CHMP3: variants seen among roughly 807,000 people sequenced by gnomAD.
The protein encoded by CHMP3 is 25.1 protein.
A neutral mutation model predicts 27.4 loss-of-function variants in CHMP3; 8 were observed. That is an observed-to-expected ratio of 0.29 (90% CI 0.17 to 0.53). The LOEUF (loss-of-function observed/expected upper bound fraction) is 0.53. Among genes scored for constraint, CHMP3 ranks in the 20% least tolerant of loss-of-function variants. CHMP3 has a pLI of 0.96. For synonymous variants in CHMP3, 86 were observed against 85.5 expected (o/e 1.01, Z -0.03); for missense variants, 208 against 271.5 (o/e 0.77, Z 1.64).
intron 3 of CHMP3, chr2:86,510,713 TC>T (rs773195977): frequency 3.8e-5 from 17 of 443,302 alleles, no homozygotes; most frequent in Non-Finnish European, 6.1e-5. Flanking sequence ...ACATGACCAA[TC>T]TGGAGAGTGG....
At chr2:86,532,767 G>A (rs1489767554) in intron 2 of CHMP3, among the ~76,000 whole-genome samples, 2 of 152,066 alleles carry the variant, frequency 1.3e-5, no homozygotes, top group African/African-American at 4.8e-5. Flanking sequence ...AATCATTCTT[G>A]CATTCCAGGA....
chr2:86,554,814 C>CATGTGTGT (rs1553409358), intron 1 of CHMP3, among the ~76,000 whole-genome samples: 20 of 138,064 alleles, frequency 1.4e-4, no homozygotes, highest in Non-Finnish European at 2.6e-4. Flanking sequence ...TGTGTGTGCG[C>CATGTGTGT]GCGTGTGTGT....
At chr2:86,510,018 T>G (rs1425833897) in intron 4 of CHMP3, among the ~76,000 whole-genome samples, 1 of 152,216 alleles carries the variant, frequency 6.6e-6, no homozygotes, top group African/African-American at 2.4e-5. Context: ...GGTCTCTGCC[T>G]GTTTTTGTAA....
At chr2:86,516,470 T>G (rs1675311979) in intron 3 of CHMP3, among the ~76,000 whole-genome samples, 1 of 152,186 alleles carries the variant, frequency 6.6e-6, no homozygotes, top group African/African-American at 2.4e-5. Context: ...ACCATAGACC[T>G]ACCAGAATGC....
chr2:86,562,624 G>C (rs1344745945), intron 1 of CHMP3: 1 of 152,234 alleles, frequency 6.6e-6, no homozygotes. Context: ...TGAGATGTGG[G>C]AAGGCAGGAT....
chr2:86,508,018 C>G (rs1406893418), intron 4 of CHMP3, among the ~76,000 whole-genome samples: 2 of 151,886 alleles, frequency 1.3e-5, no homozygotes, highest in Non-Finnish European at 2.9e-5. Context: ...TAGTAGATGC[C>G]GTGATAAAAA....
At chr2:86,557,455 A>C (rs997775304) in intron 1 of CHMP3, among the ~76,000 whole-genome samples, 1 of 152,034 alleles carries the variant, frequency 6.6e-6, no homozygotes, top group Admixed American at 6.6e-5. Context: ...GCCCTAACCC[A>C]CTGTTCTGAT....
intron 1 of CHMP3, among the ~76,000 whole-genome samples, chr2:86,558,619 G>A (rs1423023227): frequency 6.6e-6 from 1 of 152,106 alleles, no homozygotes; most frequent in Non-Finnish European, 1.5e-5. Flanking sequence ...CAACCATGAT[G>A]GTGTGATATG....
At chr2:86,559,987 C>T (rs936180519) in intron 1 of CHMP3, among the ~76,000 whole-genome samples, 3 of 152,114 alleles carry the variant, frequency 2.0e-5, no homozygotes, top group African/African-American at 7.2e-5. Context: ...GAAAAGAGGG[C>T]CGGGCGCGGT....
At chr2:86,506,095 T>C (rs527472937) in intron 5 of CHMP3, 146 bp from the exon 6 acceptor site, 2 of 923,852 alleles carry the variant, frequency 2.2e-6, no homozygotes, top group East Asian at 6.5e-5. Context: ...TTACTCACTC[T>C]GGGAAATGTG....
intron 5 of CHMP3, 69 bp downstream of exon 5, chr2:86,507,410 G>T: frequency 7.3e-7 from 1 of 1,371,908 alleles, no homozygotes; most frequent in Non-Finnish European, 1.0e-6. Context: ...AAAGCTACTA[G>T]CTAATTTAGT....
intron 3 of CHMP3, among the ~76,000 whole-genome samples, chr2:86,524,451 T>C (rs1040150656): frequency 2.6e-5 from 4 of 152,220 alleles, no homozygotes; most frequent in Non-Finnish European, 5.9e-5. Context: ...TGAAAGGCTG[T>C]GTCTGTACCA....
intron 1 of CHMP3, among the ~76,000 whole-genome samples, chr2:86,560,211 G>C (rs1677291946): frequency 6.6e-6 from 1 of 152,094 alleles, no homozygotes; most frequent in South Asian, 2.1e-4. Context: ...GTTGCAGTGA[G>C]CTGAGATCGC....
chr2:86,561,596 A>G (rs1303075342), intron 1 of CHMP3: 3 of 152,158 alleles, frequency 2.0e-5, no homozygotes, highest in Non-Finnish European at 4.4e-5. Context: ...TAATGGGGGG[A>G]AAAACAACTA....
chr2:86,527,226 T>C (rs1029307123), intron 3 of CHMP3: 3 of 151,358 alleles, frequency 2.0e-5, no homozygotes, highest in East Asian at 1.9e-4. Flanking sequence ...CTGGGCAACA[T>C]GGTAAAACCC....
At position 86,542,683 on chromosome 2, in the gene CHMP3, CTCTG is replaced by C. The variant is rs371776860; in HGVS notation, c.46-375_46-372del. ...TCACAGGTAGTCATTTCAAAAACTA[CTCTG>C]TCTGTGTCATGAGAACTCATCTTTC... On this transcript the variant is annotated intron_variant, in intron 1 of 5. Coordinates refer to ENST00000263856, the MANE Select transcript of CHMP3 (RefSeq NM_016079.4). 2.0e-3 allele frequency: 342 copies of C among 170,442 alleles called. 4 individuals carry two copies. The highest frequency in any genetic ancestry group is 8.8e-3 in the East Asian group (54 of 6,144). The allele number at this position is 170,442 out of a possible 1,614,324, so 10.6% of individuals were successfully genotyped here. A position where few individuals can be genotyped will look rare whatever the true frequency, so the allele number is the denominator to read the frequency against.
intron 1 of CHMP3, among the ~76,000 whole-genome samples, chr2:86,553,860 C>T (rs974794499): frequency 3.3e-5 from 5 of 151,982 alleles, no homozygotes; most frequent in Non-Finnish European, 5.9e-5. Flanking sequence ...TCAAACTGAC[C>T]GAGCTGAAAA....
chr2:86,563,276 G>A (rs1388384142), intron 1 of CHMP3, 28 bp downstream of exon 1: 6 of 1,613,412 alleles, frequency 3.7e-6, no homozygotes, highest in Non-Finnish European at 5.1e-6. Context: ...AGATCCACCC[G>A]CTTATCTGCC....
chr2:86,533,028 A>G (rs1302542438), intron 2 of CHMP3, among the ~76,000 whole-genome samples: 1 of 152,206 alleles, frequency 6.6e-6, no homozygotes, highest in Non-Finnish European at 1.5e-5. Flanking sequence ...TGTTTGATAG[A>G]ATTTACCAGT....
Sources: allele counts gnomAD v4.1 joint callset (sites outside exome capture counted in the v4.1 genomes callset), GRCh38; gene constraint gnomAD v4.1.1; transcripts MANE v1.5; gene names NCBI Gene and HGNC (gene_info 2026-07-23, HGNC 2026-07-21).